ANKZF1: variants seen among roughly 807,000 people sequenced by gnomAD.
ANKZF1 encodes the protein ankyrin repeat and zinc finger peptidyl tRNA hydrolase 1.
ANKZF1 carries 84 observed loss-of-function variants against 86.0 expected under a neutral mutation model. That is an observed-to-expected ratio of 0.98 (90% CI 0.82 to 1.17). The LOEUF is 1.17. Among genes scored for constraint, ANKZF1 ranks in the 50% most tolerant of loss-of-function variants. The pLI is 0.00. For synonymous variants in ANKZF1, 331 were observed against 354.2 expected (o/e 0.93, Z 0.74); for missense variants, 893 against 918.4 (o/e 0.97, Z 0.36).
chr2:219,230,362 G>C lies in ANKZF1; in HGVS notation c.105G>C (p.Ala35=), dbSNP rs1363768697. ...AGGGCCTGAGCCTGGTGAGCCACGC[G>C]CCTGGGGAGGCTCTGGCCCGGGCTC... ...VFQGLSLVSH[A]PGEALARAPR... Residue 35 remains alanine (A), a synonymous_variant, in exon 2 of 14, where the codon GCG becomes GCC. Transcript: ENST00000323348. The C allele has an allele frequency of 1.9e-6, 3 of 1,613,602 alleles. No homozygotes were observed. In the East Asian group the frequency reaches 6.7e-5, roughly 36 times the overall value.
chr2:219,232,668 C>G lies in ANKZF1; in HGVS notation c.543C>G (p.Val181=). Residue 181 remains valine, a synonymous_variant, in exon 5 of 14, where the codon GTC becomes GTG. Coordinates refer to ENST00000323348, the MANE Select transcript of ANKZF1 (RefSeq NM_018089.3). ...AGTTTCTTTATGCCTACCGCTGTGTCCTAGGCCCTCATCAGGCAAGTGACA... is the reference window on the plus strand; with the variant it reads ...AGTTTCTTTATGCCTACCGCTGTGTGCTAGGCCCTCATCAGGCAAGTGACA... ...QGQFLYAYRC[V]LGPHQDPPEE... is the part of the protein sequence containing the mutation. The G allele has an allele frequency of 6.2e-7, 1 of 1,614,014 alleles. No individual in the cohort carries two copies. Among genetic ancestry groups the G allele is most frequent in the Non-Finnish European group, 8.5e-7 (1 of 1,180,012 alleles).
In ANKZF1 at chr2:219,230,403, C is replaced by G. The variant is rs960226112; in HGVS notation, c.146C>G (p.Ser49Ter). The change falls in exon 2 of 14, where the codon TCA becomes TGA. Residue 49 changes from serine (S) to a stop codon, truncating the protein, a stop_gained and splice_region_variant. Transcript: ENST00000323348. LOFTEE classifies it high-confidence loss of function. ...ALARAPRTSC[S>*]GSGERESPER... Reference sequence around the variant, plus strand: ...GCCCGGGCTCCGCGTACTTCCTGTTCAGGTATCCTGGAAGGTTTCGTGTGA... The same window carrying G: ...GCCCGGGCTCCGCGTACTTCCTGTTGAGGTATCCTGGAAGGTTTCGTGTGA... The G allele has an allele frequency of 6.2e-7, 1 of 1,605,962 alleles. No individual in the cohort carries two copies. The highest frequency in any genetic ancestry group is 2.2e-5 in the East Asian group (1 of 44,566).
intron 1 of ANKZF1, 120 bp from the exon 2 acceptor site, chr2:219,230,108 G>T: frequency 1.3e-6 from 1 of 773,294 alleles, no homozygotes; most frequent in Non-Finnish European, 2.0e-6. Flanking sequence ...CTCACAGTTG[G>T]TAGCAGGATG....
chr2:219,232,986 A>G, intron 5 of ANKZF1, 93 bp from the exon 6 acceptor site: 2 of 1,219,922 alleles, frequency 1.6e-6, no homozygotes, highest in Admixed American at 1.8e-5. Context: ...GGGTGGTAAT[A>G]TTAAATGAGA....
chr2:219,232,330 C>T lies in ANKZF1; in HGVS notation c.332C>T (p.Ser111Phe), dbSNP rs200147041. Residue 111 changes from serine to phenylalanine, a missense_variant, in exon 4 of 14, where the codon TCT becomes TTT. Physicochemically the swap from Ser to Phe is radical, Grantham distance 155 (BLOSUM62 -2). Transcript: ENST00000323348. ...CGTCTCAAGGACAAGCCTCTCCTGT[C>T]TGCCCTGGACTTTGAAAAGCAGAGC... ...KQRLKDKPLL[S>F]ALDFEKQSST... 26 of 1,614,118 alleles carry T rather than the reference C, an allele frequency of 1.6e-5. 1 individual carries two copies. The highest frequency in any genetic ancestry group is 2.1e-5 in the Non-Finnish European group (25 of 1,180,058).
Position 219,235,576 on chromosome 2 carries a change from CAA to C in ANKZF1, c.1795_1796del (p.Lys599GlyfsTer43), listed in dbSNP as rs765164610. ...AGAATCCAGATGCCTACGATTACAA[CAA>C]GGCTCAGGTCATCTGGAATAGGAAG... The part of the protein sequence containing the change: ...EKNPDAYDYN[K>X]AQVPGPLTPE... On this transcript the variant is annotated frameshift_variant, in exon 11 of 14. Transcript: ENST00000323348. LOFTEE classifies it high-confidence loss of function. 1 of 1,613,920 alleles carries C rather than the reference CAA, an allele frequency of 6.2e-7. No individual in the cohort carries two copies. The highest frequency in any genetic ancestry group is 1.7e-5 in the Admixed American group (1 of 59,992).
chr2:219,235,589 A>G lies in ANKZF1; in HGVS notation c.1803+4A>G, dbSNP rs1249164093. The G allele has an allele frequency of 1.2e-6, 2 of 1,613,972 alleles. No homozygotes were observed. The highest frequency in any genetic ancestry group is 1.7e-6 in the Non-Finnish European group (2 of 1,179,948). Reference sequence around the variant, plus strand: ...CTACGATTACAACAAGGCTCAGGTCATCTGGAATAGGAAGGACAAGCAGAG... The same window carrying G: ...CTACGATTACAACAAGGCTCAGGTCGTCTGGAATAGGAAGGACAAGCAGAG... On this transcript the variant is annotated splice_donor_region_variant and intron_variant, in intron 11 of 13. Transcript: ENST00000323348.
Position 219,236,617 on chromosome 2 carries a change from C to T in ANKZF1, c.*172C>T. ...GAGGTATGTGGAGCTGGTACTGTCT[C>T]TGGAATTTTAATCACAATAAAGTTT... On this transcript the variant is annotated 3_prime_UTR_variant, in exon 14 of 14. Transcript: ENST00000323348. 2 of 851,280 alleles carry T rather than the reference C, an allele frequency of 2.3e-6. No individual in the cohort carries two copies. The highest frequency in any genetic ancestry group is 2.0e-5 in the South Asian group (1 of 50,240). The allele number at this position is 851,280 out of a possible 1,614,324, so 52.7% of individuals were successfully genotyped here.
In ANKZF1 at chr2:219,230,363, C is replaced by T; in HGVS notation, c.106C>T (p.Pro36Ser). 1 of 1,613,680 alleles carries T rather than the reference C, an allele frequency of 6.2e-7. No homozygotes were observed. Among genetic ancestry groups the T allele is most frequent in the South Asian group, 1.1e-5 (1 of 91,044 alleles). The change falls in exon 2 of 14, where the codon CCT becomes TCT. Residue 36 changes from proline to serine, a missense_variant. Pro to Ser is a moderately conservative substitution (Grantham distance 74). Coordinates refer to ENST00000323348, the MANE Select transcript of ANKZF1 (RefSeq NM_018089.3). ...FQGLSLVSHA[P>S]GEALARAPRT... ...GGGCCTGAGCCTGGTGAGCCACGCGCCTGGGGAGGCTCTGGCCCGGGCTCC... is the reference window on the plus strand; with the variant it reads ...GGGCCTGAGCCTGGTGAGCCACGCGTCTGGGGAGGCTCTGGCCCGGGCTCC...
rs774981553 is a variant in ANKZF1, at chr2:219,235,685, G to A, written c.1804-23G>A. 10 of 1,613,462 alleles carry A rather than the reference G, an allele frequency of 6.2e-6. No homozygotes were observed. In the Admixed American group the frequency reaches 1.2e-4, roughly 19 times the overall value. On this transcript the variant is annotated intron_variant, in intron 11 of 13. Coordinates refer to ENST00000323348, the MANE Select transcript of ANKZF1 (RefSeq NM_018089.3). Reference sequence around the variant, plus strand: ...AGTTTTACCAAAGATAACTTATAGGGTCTTATATTTGAAATCCTCCAGGTG... The same window carrying A: ...AGTTTTACCAAAGATAACTTATAGGATCTTATATTTGAAATCCTCCAGGTG...
chr2:219,235,099 A>C lies in ANKZF1; in HGVS notation c.1478A>C (p.Glu493Ala), dbSNP rs750448904. 1.2e-6 allele frequency: 2 copies of C among 1,614,028 alleles called. No homozygotes were observed. The highest frequency in any genetic ancestry group is 2.7e-5 in the African/African-American group (2 of 74,906). Residue 493 changes from glutamate to alanine, a missense_variant, in exon 10 of 14, where the codon GAG (glutamate) becomes GCG (alanine). By Grantham distance (107) the Glu-to-Ala change is moderately radical. Transcript: ENST00000323348. ...LDEAKAPGQP[E>A]LWNALLAACR... is the part of the protein sequence containing the mutation. ...GAGGCCAAAGCCCCTGGTCAGCCAGAGCTCTGGAATGCACTGCTTGCTGCT... is the reference window on the plus strand; with the variant it reads ...GAGGCCAAAGCCCCTGGTCAGCCAGCGCTCTGGAATGCACTGCTTGCTGCT...
chr2:219,233,830 C>A lies in ANKZF1; in HGVS notation c.935C>A (p.Ala312Glu). Residue 312 changes from alanine to glutamate, a missense_variant, in exon 8 of 14, where the codon GCA becomes GAA. Physicochemically the swap from Ala to Glu is moderately radical, Grantham distance 107 (BLOSUM62 -1). Coordinates refer to ENST00000323348, the MANE Select transcript of ANKZF1 (RefSeq NM_018089.3). ...TCTTTGTTCTTTGGAGGCAAGGGAG[C>A]ACCCCTGCAAAGGGGGGATCCCCGA... ...GRSLFFGGKG[A>E]PLQRGDPRLW... The A allele has an allele frequency of 6.2e-7, 1 of 1,614,028 alleles. No homozygotes were observed. Among genetic ancestry groups the A allele is most frequent in the Non-Finnish European group, 8.5e-7 (1 of 1,179,970 alleles).
chr2:219,236,402 G>A lies in ANKZF1; in HGVS notation c.2138G>A (p.Cys713Tyr). The A allele has an allele frequency of 6.2e-7, 1 of 1,613,630 alleles. No individual in the cohort carries two copies. The highest frequency in any genetic ancestry group is 8.5e-7 in the Non-Finnish European group (1 of 1,179,750). The part of the protein sequence containing the change: ...YLDFSFCSTR[C>Y]LQDHRRQAGR... ...GACTTCTCTTTCTGCTCCACACGTT[G>A]CCTCCAGGATCATCGCCGTCAGGCA... The change falls in exon 14 of 14, where the codon TGC becomes TAC. Residue 713 changes from cysteine (C) to tyrosine (Y), a missense_variant. By Grantham distance (194) the Cys-to-Tyr change is radical. Transcript: ENST00000323348.
rs530025449 is a variant in ANKZF1 at position 219,233,721 on chromosome 2, C to T, written c.826C>T (p.Arg276Cys). Residue 276 changes from arginine (R) to cysteine (C), a missense_variant, in exon 8 of 14, where the codon CGT becomes TGT. Coordinates refer to ENST00000323348, the MANE Select transcript of ANKZF1 (RefSeq NM_018089.3). ...GAGTTACTCTCTTCTCTAGGATGTT[C>T]GTGACCTGCTGGCAGGGCCAAGCTG... ...YNEATLYKDV[R>C]DLLAGPSWAK... The T allele has an allele frequency of 9.3e-6, 15 of 1,611,834 alleles. No individual in the cohort carries two copies. Among genetic ancestry groups the T allele is most frequent in the Non-Finnish European group, 1.2e-5 (14 of 1,179,104 alleles).
At position 219,233,434 on chromosome 2, in the gene ANKZF1, G is replaced by A; in HGVS notation, c.819+1G>A. On this transcript the variant is annotated splice_donor_variant, in intron 7 of 13. Transcript: ENST00000323348. LOFTEE classifies it high-confidence loss of function. ...CTACAATGAAGCCACACTATATAAG[G>A]TGAGTTAAGCCTTTTAGATCTGGTG... The A allele has an allele frequency of 6.2e-7, 1 of 1,608,134 alleles. No individual in the cohort carries two copies. Among genetic ancestry groups the A allele is most frequent in the Non-Finnish European group, 8.5e-7 (1 of 1,176,798 alleles).
chr2:219,232,282 G>T lies in ANKZF1; in HGVS notation c.284G>T (p.Trp95Leu). 6.2e-7 allele frequency: 1 copy of T among 1,614,184 alleles called. No individual in the cohort carries two copies. The highest frequency in any genetic ancestry group is 1.1e-5 in the South Asian group (1 of 91,082). The change falls in exon 4 of 14, where the codon TGG becomes TTG. Residue 95 changes from tryptophan to leucine, a missense_variant. By Grantham distance (61) the Trp-to-Leu change is moderately conservative. Transcript: ENST00000323348. ...QEQREHYKLD[W>L]HRFNLKQRLK... ...TAGAGGGAACATTATAAGCTTGACT[G>T]GCATCGGTTTAACCTAAAGCAACGT...
Position 219,236,522 on chromosome 2 carries a change from C to G in ANKZF1, c.*77C>G. The stretch of plus-strand genomic sequence containing the variant: ...ACAGCAGCCCTAGGTTTTTTCTTCC[C>G]CGTGAAACCAGAGATGATTTGGAAG... On this transcript the variant is annotated 3_prime_UTR_variant, in exon 14 of 14. Transcript: ENST00000323348. The G allele has an allele frequency of 6.7e-7, 1 of 1,497,212 alleles. No homozygotes were observed. Among genetic ancestry groups the G allele is most frequent in the East Asian group, 2.3e-5 (1 of 43,856 alleles). The allele number at this position is 1,497,212 out of a possible 1,614,324, so 92.7% of individuals were successfully genotyped here.
intron 11 of ANKZF1, 21 bp downstream of exon 11, chr2:219,235,606 C>G (rs1433666484): frequency 6.2e-7 from 1 of 1,613,494 alleles, no homozygotes; most frequent in East Asian, 2.2e-5. Flanking sequence ...ATAGGAAGGA[C>G]AAGCAGAGTG....
At position 219,235,332 on chromosome 2, in the gene ANKZF1, C is replaced by G; in HGVS notation, c.1691+20C>G. The G allele has an allele frequency of 6.2e-7, 1 of 1,602,284 alleles. No individual in the cohort carries two copies. The highest frequency in any genetic ancestry group is 8.5e-7 in the Non-Finnish European group (1 of 1,173,582). ...TGTGCAGTGAGTAAAGGTCCCCATC[C>G]TGAGTCATTTTGGGTATAGAGAGGA... On this transcript the variant is annotated intron_variant, in intron 10 of 13. Transcript: ENST00000323348.
Sources: allele counts gnomAD v4.1 joint callset, GRCh38; gene constraint gnomAD v4.1.1; transcripts MANE v1.5; gene names NCBI Gene and HGNC (gene_info 2026-07-23, HGNC 2026-07-21).